The following SUN5 variants were observed in gnomAD, a reference collection of about 807,000 sequenced individuals.
The protein encoded by SUN5 is SUN domain-containing protein 5.
A neutral mutation model predicts 53.7 loss-of-function variants in SUN5; 44 were observed. That is an observed-to-expected ratio of 0.82 (90% CI 0.64 to 1.05). The LOEUF (loss-of-function observed/expected upper bound fraction) is 1.05, where lower values mean the gene tolerates loss of function less well. Ranked by LOEUF, SUN5 falls within the 50% of genes least tolerant of loss-of-function variation. The pLI is 0.00. For synonymous variants in SUN5, 166 were observed against 179.8 expected (o/e 0.92, Z 0.62); for missense variants, 433 against 483.8 (o/e 0.90, Z 0.98).
intron 5 of SUN5, among the ~76,000 whole-genome samples, chr20:32,998,811 T>C (rs1989920908): frequency 6.6e-6 from 1 of 150,924 alleles, no homozygotes; most frequent in Non-Finnish European, 1.5e-5. Flanking sequence ...AGGCTGGGAG[T>C]TCTAGACCAA....
At chr20:32,997,530 A>G (rs1389087255) in intron 6 of SUN5, 108 bp downstream of exon 6, 1 of 1,175,226 alleles carries the variant, frequency 8.5e-7, no homozygotes, top group Non-Finnish European at 1.2e-6. Flanking sequence ...CAAGTCAGGA[A>G]CTGATGAGGG....
At chr20:32,992,076 T>C (rs6057692) in intron 8 of SUN5, among the ~76,000 whole-genome samples, 52,397 of 152,040 alleles carry the variant, frequency 0.34, 9,703 homozygotes, top group East Asian at 0.79. Context: ...GCACAGATAG[T>C]TTTTTCCAGT....
At chr20:32,987,430 T>A (rs1989572904) in intron 10 of SUN5, among the ~76,000 whole-genome samples, 1 of 151,952 alleles carries the variant, frequency 6.6e-6, no homozygotes, top group South Asian at 2.1e-4. Context: ...GCCCCTGCTG[T>A]CTGTTCTCAC....
chr20:32,989,556 C>T, intron 9 of SUN5, 64 bp downstream of exon 9: 1 of 1,449,110 alleles, frequency 6.9e-7, no homozygotes, highest in Non-Finnish European at 9.7e-7. Flanking sequence ...AACTGAAACC[C>T]ACCCTGTGTA....
intron 1 of SUN5, 25 bp downstream of exon 1, chr20:33,004,239 C>G: frequency 3.2e-6 from 5 of 1,545,048 alleles, no homozygotes; most frequent in Non-Finnish European, 3.5e-6. Context: ...AAGGGCTGGG[C>G]AAAGGGAGGG....
At chr20:32,997,617 C>A in intron 6 of SUN5, 21 bp downstream of exon 6, 1 of 1,613,674 alleles carries the variant, frequency 6.2e-7, no homozygotes, top group Non-Finnish European at 8.5e-7. Flanking sequence ...GCTGTGGGGC[C>A]TGAGGAGGGT....
chr20:33,001,180 C>A, intron 4 of SUN5, 32 bp downstream of exon 4: 1 of 1,558,030 alleles, frequency 6.4e-7, no homozygotes, highest in East Asian at 2.4e-5. Context: ...TTCCCACTCC[C>A]CATCCACCCT....
Position 32,989,209 on chromosome 20 carries a change from G to A in SUN5, c.613+411C>T, listed in dbSNP as rs181912313. 5.9e-5 allele frequency among the ~76,000 whole-genome samples: 9 copies of A among 152,354 alleles called. No individual in the cohort carries two copies. The South Asian group carries it at 1.9e-3, about 32-fold the overall frequency. On this transcript the variant is annotated intron_variant, in intron 9 of 12. Coordinates refer to ENST00000356173, the MANE Select transcript of SUN5 (RefSeq NM_080675.4). The stretch of plus-strand genomic sequence containing the variant: ...CAAAGTGCTGGGATTACAGGCGTGA[G>A]CCACCACACCTGGCCGAAGCACTGA...
intron 2 of SUN5, 56 bp from the exon 3 acceptor site, chr20:33,002,717 A>G: frequency 1.2e-6 from 2 of 1,607,816 alleles, no homozygotes; most frequent in South Asian, 2.2e-5. Flanking sequence ...TGGTGCTTGC[A>G]GAGACCTAGG....
At chr20:32,999,995 G>A in intron 5 of SUN5, 79 bp downstream of exon 5, 1 of 1,567,786 alleles carries the variant, frequency 6.4e-7, no homozygotes, top group Non-Finnish European at 8.7e-7. Flanking sequence ...GCAGTGCAGT[G>A]TCTTGCCCAG....
intron 3 of SUN5, among the ~76,000 whole-genome samples, chr20:33,001,519 C>CTTGCTTTCTTTCTTTCTTTCT (rs68051515): frequency 4.1e-5 from 5 of 121,324 alleles, no homozygotes; most frequent in African/African-American, 1.8e-4. Context: ...TTCTTTCTTT[C>CTTGCTTTCTTTCTTTCTTTCT]TTCTTTCTTT....
Position 32,983,825 on chromosome 20 carries a change from G to A in SUN5, c.1109C>T (p.Pro370Leu), listed in dbSNP as rs1220366874. 3.2e-6 allele frequency: 5 copies of A among 1,574,522 alleles called. No individual in the cohort carries two copies. Among genetic ancestry groups the A allele is most frequent in the Admixed American group, 1.8e-5 (1 of 55,216 alleles). Residue 370 changes from proline (P) to leucine (L), a missense_variant, in exon 13 of 13, where the codon CCT becomes CTT. Coordinates refer to ENST00000356173, the MANE Select transcript of SUN5 (RefSeq NM_080675.4). Reference sequence around the variant, plus strand: ...TCTCTTAGGGTAGGGGTTCTGGTGAGGCTGCTCTCTGGGCGGGGCCACAGA... The same window carrying A: ...TCTCTTAGGGTAGGGGTTCTGGTGAAGCTGCTCTCTGGGCGGGGCCACAGA... ...HGSVAPPREQ[P>L]HQNPYPKRD
intron 5 of SUN5, among the ~76,000 whole-genome samples, chr20:32,998,411 T>C (rs1318478208): frequency 6.6e-6 from 1 of 151,998 alleles, no homozygotes; most frequent in Non-Finnish European, 1.5e-5. Flanking sequence ...GAGGTTGCAG[T>C]GAGCCGAGAT....
At chr20:32,988,575 A>T (rs904262593) in intron 9 of SUN5, among the ~76,000 whole-genome samples, 2 of 140,300 alleles carry the variant, frequency 1.4e-5, no homozygotes, top group Non-Finnish European at 3.2e-5. Context: ...ACTGATTATT[A>T]TTTTATTTAT....
intron 10 of SUN5, among the ~76,000 whole-genome samples, chr20:32,986,961 C>G (rs2146323555): frequency 6.6e-6 from 1 of 152,346 alleles, no homozygotes; most frequent in African/African-American, 2.4e-5. Context: ...AGGCCAATGC[C>G]CCAGCTTGAC....
intron 5 of SUN5, among the ~76,000 whole-genome samples, chr20:32,998,451 G>A (rs945504437): frequency 1.3e-5 from 2 of 152,148 alleles, no homozygotes; most frequent in Non-Finnish European, 2.9e-5. Context: ...CTGGGTGACA[G>A]AGACTCTGTC....
chr20:32,984,821 C>T (rs1989490586), intron 12 of SUN5, among the ~76,000 whole-genome samples: 1 of 152,266 alleles, frequency 6.6e-6, no homozygotes, highest in Non-Finnish European at 1.5e-5. Context: ...ACCTCTTGCT[C>T]AGCGTCTGCT....
intron 4 of SUN5, 111 bp downstream of exon 4, chr20:33,001,101 C>T (rs948893723): frequency 1.6e-6 from 2 of 1,282,752 alleles, no homozygotes; most frequent in South Asian, 1.4e-5. Context: ...TTTGGGATAG[C>T]TTTTCTGGTC....
In SUN5 at chr20:32,998,184, A is replaced by AAAAG. The variant is rs1288815638; in HGVS notation, c.341-498_341-497insCTTT. The stretch of plus-strand genomic sequence containing the variant: ...TGAAACCCCATCTCTACAAAAAAAA[A>AAAAG]AAAAAAAAAAAAAAATACAAAAATT... On this transcript the variant is annotated intron_variant, in intron 5 of 12. Coordinates refer to ENST00000356173, the MANE Select transcript of SUN5 (RefSeq NM_080675.4). Among the ~76,000 whole-genome samples, 20 of 150,284 alleles carry AAAAG rather than the reference A, an allele frequency of 1.3e-4. No homozygotes were observed. In the East Asian group the frequency reaches 3.3e-3, roughly 25 times the overall value.
Sources: allele counts gnomAD v4.1 joint callset (sites outside exome capture counted in the v4.1 genomes callset), GRCh38; gene constraint gnomAD v4.1.1; transcripts MANE v1.5; gene names NCBI Gene and HGNC (gene_info 2026-07-23, HGNC 2026-07-21).